Variants in NDUFV1 observed in about 807,000 individuals in gnomAD.
NDUFV1 encodes NADH dehydrogenase [ubiquinone] flavoprotein 1, mitochondrial.
NDUFV1 carries 41 observed loss-of-function variants against 48.7 expected under a neutral mutation model. That is an observed-to-expected ratio of 0.84 (90% confidence interval 0.66 to 1.09). The LOEUF (loss-of-function observed/expected upper bound fraction) is 1.09, where lower values mean the gene tolerates loss of function less well. Among genes scored for constraint, NDUFV1 ranks in the 50% least tolerant of loss-of-function variants. The pLI is 0.00. For missense variants in NDUFV1, 580 were observed against 645.4 expected (o/e 0.90, Z 1.10); for synonymous variants, 231 against 259.1 (o/e 0.89, Z 1.04).
rs199609729 is a variant in NDUFV1, at chr11:67,608,552, G to T, written c.156G>T (p.Arg52Ser). ...TCATTGCCTTCCCTATTCTGTCCAG[G>T]CTGAAAGGTTCCCTGAGTCGAGGTG... ...FTNLYGRHDW[R>S]LKGSLSRGDW... Residue 52 changes from arginine (R) to serine (S), a missense_variant and splice_region_variant, in exon 3 of 10, where the codon AGG (arginine) becomes AGT (serine). Transcript: ENST00000322776. 129 of 1,614,198 alleles carry T rather than the reference G, an allele frequency of 8.0e-5. No homozygotes were observed. The East Asian group carries it at 2.7e-3, about 33-fold the overall frequency.
In NDUFV1 at chr11:67,611,733, C is replaced by T; in HGVS notation, c.1080+164C>T. On this transcript the variant is annotated intron_variant, in intron 7 of 9. Transcript: ENST00000322776. The surrounding 1 kb of genome is among the most constrained non-coding windows in gnomAD (Gnocchi z 4.2). ...GGAAGGCTGCTCTGAGGAGAATACC[C>T]CGGAGTCTGGGCAGCACAGGGGGCC... 1 of 1,377,002 alleles carries T rather than the reference C, an allele frequency of 7.3e-7. No individual in the cohort carries two copies. The highest frequency in any genetic ancestry group is 1.0e-6 in the Non-Finnish European group (1 of 996,608). 85.3% of individuals were successfully genotyped at this position (1,377,002 alleles called of 1,614,324 possible).
Position 67,612,282 on chromosome 11 carries a change from T to C in NDUFV1, c.1308+17T>C, listed in dbSNP as rs1407441132. 1.2e-6 allele frequency: 2 copies of C among 1,613,854 alleles called. No individual in the cohort carries two copies. The highest frequency in any genetic ancestry group is 1.7e-6 in the Non-Finnish European group (2 of 1,179,934). On this transcript the variant is annotated intron_variant, in intron 9 of 9. Coordinates refer to ENST00000322776, the MANE Select transcript of NDUFV1 (RefSeq NM_007103.4). The surrounding 1 kb of genome is among the most constrained non-coding windows in gnomAD (Gnocchi z 4.4). ...CCTGTGCAGGTATTCACCACCCTTC[T>C]GCGTAGCACGGAGGGTGGGTGGCAT...
At position 67,611,997 on chromosome 11, in the gene NDUFV1, G is replaced by A. The variant is rs201909709; in HGVS notation, c.1162+19G>A. 589 of 1,613,760 alleles carry A rather than the reference G, an allele frequency of 3.6e-4. 3 individuals carry two copies. The African/African-American group carries it at 7.3e-3, about 20-fold the overall frequency. ...CGTGAGGGTGAGCATCGGGCAGGTT[G>A]GGGGCTTGCTTGCTGTGGCTTCATT... On this transcript the variant is annotated intron_variant, in intron 8 of 9. Transcript: ENST00000322776. The surrounding 1 kb of genome is among the most constrained non-coding windows in gnomAD (Gnocchi z 4.2).
At position 67,609,568 on chromosome 11, in the gene NDUFV1, C is replaced by T; in HGVS notation, c.443C>T (p.Ala148Val). 1 of 1,612,496 alleles carries T rather than the reference C, an allele frequency of 6.2e-7. No individual in the cohort carries two copies. ...GAAGGCTGCCTGGTGGGGGGCCGGG[C>T]CATGGGCGCCCGCGCTGCCTATATC... ...LLEGCLVGGR[A>V]MGARAAYIYI... The change falls in exon 4 of 10, where the codon GCC (alanine) becomes GTC (valine). Residue 148 changes from alanine (A) to valine (V), a missense_variant. By Grantham distance (64) the Ala-to-Val change is moderately conservative. Coordinates refer to ENST00000322776, the MANE Select transcript of NDUFV1 (RefSeq NM_007103.4).
rs1854920146 is a variant in NDUFV1, at chr11:67,611,722, A to T, written c.1080+153A>T. On this transcript the variant is annotated intron_variant, in intron 7 of 9. Coordinates refer to ENST00000322776, the MANE Select transcript of NDUFV1 (RefSeq NM_007103.4). This position sits in a 1 kb window ranked among gnomAD's most constrained non-coding sequence, Gnocchi z 4.2. The stretch of plus-strand genomic sequence containing the variant: ...AAGAGGAGGGAGGAAGGCTGCTCTG[A>T]GGAGAATACCCCGGAGTCTGGGCAG... 21 of 1,385,930 alleles carry T rather than the reference A, an allele frequency of 1.5e-5. No homozygotes were observed. The highest frequency in any genetic ancestry group is 2.1e-5 in the Non-Finnish European group (21 of 1,005,580). 85.9% of individuals were successfully genotyped at this position (1,385,930 alleles called of 1,614,324 possible).
Position 67,612,394 on chromosome 11 carries a change from C to G in NDUFV1, c.1331C>G (p.Pro444Arg). Reference protein sequence around the residue: ...PVQGLIRHFRPELEERMQRFA... With the variant: ...PVQGLIRHFRRELEERMQRFA... ...CAGGGTCTGATCCGCCACTTTCGGC[C>G]GGAGCTCGAGGAGCGGATGCAGCGG... Residue 444 changes from proline to arginine, a missense_variant, in exon 10 of 10, where the codon CCG (proline) becomes CGG (arginine). Pro to Arg is a moderately radical substitution (Grantham distance 103, BLOSUM62 -2). Coordinates refer to ENST00000322776, the MANE Select transcript of NDUFV1 (RefSeq NM_007103.4). This position sits in a 1 kb window ranked among gnomAD's most constrained non-coding sequence, Gnocchi z 4.4. 6.2e-7 allele frequency: 1 copy of G among 1,613,120 alleles called. No individual in the cohort carries two copies. Among genetic ancestry groups the G allele is most frequent in the Non-Finnish European group, 8.5e-7 (1 of 1,179,990 alleles).
In NDUFV1 at chr11:67,611,345, G is replaced by C; in HGVS notation, c.914-58G>C. ...AAGGGCCTGGGCTCAGGACTAGGCAGGTGTGCCGGCCCCAGCCCTGACCAT... is the reference window on the plus strand; with the variant it reads ...AAGGGCCTGGGCTCAGGACTAGGCACGTGTGCCGGCCCCAGCCCTGACCAT... On this transcript the variant is annotated intron_variant, in intron 6 of 9. Transcript: ENST00000322776. The surrounding 1 kb of genome is among the most constrained non-coding windows in gnomAD (Gnocchi z 4.2). 6.2e-7 allele frequency: 1 copy of C among 1,603,520 alleles called. No homozygotes were observed. The highest frequency in any genetic ancestry group is 8.5e-7 in the Non-Finnish European group (1 of 1,174,114).
Position 67,607,044 on chromosome 11 carries a change from G to A in NDUFV1, c.40G>A (p.Ala14Thr), listed in dbSNP as rs376242941. ...GCGGCTGCTCGGCTGGTCGCTTCCCGCGCGGGTATCTGTGCGTTTCAGCGG... is the reference window on the plus strand; with the variant it reads ...GCGGCTGCTCGGCTGGTCGCTTCCCACGCGGGTATCTGTGCGTTTCAGCGG... ...TRRLLGWSLP[A>T]RVSVRFSGDT... is the part of the protein sequence containing the mutation. The change falls in exon 1 of 10, where the codon GCG (alanine) becomes ACG (threonine). Residue 14 changes from alanine (A) to threonine (T), a missense_variant. By Grantham distance (58) the Ala-to-Thr change is moderately conservative. Transcript: ENST00000322776. 6.2e-7 allele frequency: 1 copy of A among 1,608,820 alleles called. No homozygotes were observed. Among genetic ancestry groups the A allele is most frequent in the African/African-American group, 1.3e-5 (1 of 74,876 alleles).
intron 5 of NDUFV1, 103 bp from the exon 6 acceptor site, chr11:67,610,892 G>T: frequency 8.9e-7 from 1 of 1,120,332 alleles, no homozygotes. Flanking sequence ...GGATATTAGA[G>T]CAGGGGCTCT....
Position 67,612,185 on chromosome 11 carries a change from G to A in NDUFV1, c.1228G>A (p.Asp410Asn), listed in dbSNP as rs1465471885. 10 of 1,613,260 alleles carry A rather than the reference G, an allele frequency of 6.2e-6. No homozygotes were observed. The highest frequency in any genetic ancestry group is 6.8e-6 in the Non-Finnish European group (8 of 1,179,778). ...GGGGGATGCCCGGCCGGCCGAGATC[G>A]ACTCCCTGTGGGAGATCAGCAAGCA... is the stretch of plus-strand genomic sequence containing the variant. ...VRGDARPAEI[D>N]SLWEISKQIE... Residue 410 changes from aspartate to asparagine, a missense_variant, in exon 9 of 10, where the codon GAC (aspartate) becomes AAC (asparagine). Asp to Asn is a conservative substitution (Grantham distance 23). Coordinates refer to ENST00000322776, the MANE Select transcript of NDUFV1 (RefSeq NM_007103.4). This position sits in a 1 kb window ranked among gnomAD's most constrained non-coding sequence, Gnocchi z 4.4.
Position 67,611,695 on chromosome 11 carries a change from G to A in NDUFV1, c.1080+126G>A, listed in dbSNP as rs1259044546. The stretch of plus-strand genomic sequence containing the variant: ...CCTGCAGCCTGAGATAAAGCAAGGT[G>A]GAAGAGGAGGGAGGAAGGCTGCTCT... On this transcript the variant is annotated intron_variant, in intron 7 of 9. Transcript: ENST00000322776. This position sits in a 1 kb window ranked among gnomAD's most constrained non-coding sequence, Gnocchi z 4.2. 2.6e-5 allele frequency: 38 copies of A among 1,445,806 alleles called. No individual in the cohort carries two copies. In the Middle Eastern group the frequency reaches 6.6e-4, roughly 25 times the overall value. The allele number at this position is 1,445,806 out of a possible 1,614,324, so 89.6% of individuals were successfully genotyped here.
At position 67,612,370 on chromosome 11, in the gene NDUFV1, A is replaced by G; in HGVS notation, c.1309-2A>G. 4 of 1,613,470 alleles carry G rather than the reference A, an allele frequency of 2.5e-6. No homozygotes were observed. The highest frequency in any genetic ancestry group is 3.4e-6 in the Non-Finnish European group (4 of 1,179,916). ...TTCACATGGTCCCCCCACCGACCCC[A>G]GGGTCTGATCCGCCACTTTCGGCCG... On this transcript the variant is annotated splice_acceptor_variant, in intron 9 of 9. Coordinates refer to ENST00000322776, the MANE Select transcript of NDUFV1 (RefSeq NM_007103.4). LOFTEE classifies it high-confidence loss of function. The surrounding 1 kb of genome is among the most constrained non-coding windows in gnomAD (Gnocchi z 4.4).
chr11:67,611,937 A>T lies in NDUFV1; in HGVS notation c.1121A>T (p.Tyr374Phe), dbSNP rs779920305. The T allele has an allele frequency of 3.7e-6, 6 of 1,613,904 alleles. No homozygotes were observed. The East Asian group carries it at 1.3e-4, about 36-fold the overall frequency. The stretch of plus-strand genomic sequence containing the variant: ...GCCATCGCCCGCCTCATTGAGTTCT[A>T]TAAGCACGAGAGCTGTGGCCAGTGT... ...VKAIARLIEFYKHESCGQCTP... is the reference protein window; with the variant it reads ...VKAIARLIEFFKHESCGQCTP... Residue 374 changes from tyrosine (Y) to phenylalanine (F), a missense_variant, in exon 8 of 10, where the codon TAT (tyrosine) becomes TTT (phenylalanine). Transcript: ENST00000322776. The surrounding 1 kb of genome is among the most constrained non-coding windows in gnomAD (Gnocchi z 4.2).
rs372047256 is a variant in NDUFV1 at position 67,612,441 on chromosome 11, C to T, written c.1378C>T (p.Arg460Trp). ...GCGGTTTGCCCAGCAGCATCAGGCC[C>T]GGCAGGCTGCCTCTTAGCCCACCAC... ...MQRFAQQHQA[R>W]QAAS Residue 460 changes from arginine (R) to tryptophan (W), a missense_variant, in exon 10 of 10, where the codon CGG becomes TGG. Transcript: ENST00000322776. This position sits in a 1 kb window ranked among gnomAD's most constrained non-coding sequence, Gnocchi z 4.4. 302 of 1,611,778 alleles carry T rather than the reference C, an allele frequency of 1.9e-4. No homozygotes were observed. Among genetic ancestry groups the T allele is most frequent in the Non-Finnish European group, 2.2e-4 (262 of 1,179,864 alleles).
In NDUFV1 at chr11:67,611,971, C is replaced by T. The variant is rs1159304558; in HGVS notation, c.1155C>T (p.Cys385=). ...AGAGCTGTGGCCAGTGTACCCCATG[C>T]CGTGAGGGTGAGCATCGGGCAGGTT... ...KHESCGQCTP[C]REGVDWMNKV... Residue 385 remains cysteine, a synonymous_variant, in exon 8 of 10, where the codon TGC becomes TGT. Coordinates refer to ENST00000322776, the MANE Select transcript of NDUFV1 (RefSeq NM_007103.4). The surrounding 1 kb of genome is among the most constrained non-coding windows in gnomAD (Gnocchi z 4.2). 6.2e-7 allele frequency: 1 copy of T among 1,613,964 alleles called. No homozygotes were observed. The highest frequency in any genetic ancestry group is 2.2e-5 in the East Asian group (1 of 44,834).
Position 67,607,106 on chromosome 11 carries a change from T to C in NDUFV1, c.72+30T>C, listed in dbSNP as rs375701640. 4.4e-6 allele frequency: 7 copies of C among 1,594,140 alleles called. No individual in the cohort carries two copies. In the African/African-American group the frequency reaches 9.4e-5, roughly 21 times the overall value. On this transcript the variant is annotated intron_variant, in intron 1 of 9. Transcript: ENST00000322776. The stretch of plus-strand genomic sequence containing the variant: ...GGCCCAGCCTGGCTGGGGCCACGGG[T>C]GTTTGGGGCCGGGTGTCGCGGCCGC...
intron 1 of NDUFV1, among the ~76,000 whole-genome samples, chr11:67,607,998 G>A (rs1357375337): frequency 1.1e-4 from 16 of 152,210 alleles, no homozygotes; most frequent in Admixed American, 9.8e-4. Context: ...AGGCTGAGGC[G>A]GGCGGATCGC....
At position 67,611,801 on chromosome 11, in the gene NDUFV1, G is replaced by T; in HGVS notation, c.1081-96G>T. 1 of 1,522,742 alleles carries T rather than the reference G, an allele frequency of 6.6e-7. No homozygotes were observed. Among genetic ancestry groups the T allele is most frequent in the South Asian group, 1.1e-5 (1 of 88,172 alleles). 94.3% of individuals were successfully genotyped at this position (1,522,742 alleles called of 1,614,324 possible). A position where few individuals can be genotyped will look rare whatever the true frequency, so the allele number is the denominator to read the frequency against. ...GCCAGAACGCTGGGTGGGCTGGGAAGAGCTTCTGGAACTGGGGGAGGGGCT... is the reference window on the plus strand; with the variant it reads ...GCCAGAACGCTGGGTGGGCTGGGAATAGCTTCTGGAACTGGGGGAGGGGCT... On this transcript the variant is annotated intron_variant, in intron 7 of 9. Transcript: ENST00000322776. The surrounding 1 kb of genome is among the most constrained non-coding windows in gnomAD (Gnocchi z 4.2).
chr11:67,610,767 G>C (rs1854899436), intron 5 of NDUFV1, 197 bp downstream of exon 5: 1 of 804,500 alleles, frequency 1.2e-6, no homozygotes, highest in African/African-American at 1.7e-5. Flanking sequence ...CTCCGCACCA[G>C]TGCTGCTCTG....
Sources: gnomAD v4.1 joint callset for allele counts (sites outside exome capture counted in the v4.1 genomes callset) on GRCh38, gnomAD v4.1.1 for gene constraint, Gnocchi (gnomAD v3.1) non-coding constraint, MANE v1.5 for transcripts, NCBI Gene and HGNC (gene_info 2026-07-23, HGNC 2026-07-21) for gene names.